The following CTTNBP2 variants were observed in gnomAD, a reference collection of about 807,000 sequenced individuals.
CTTNBP2 encodes the protein cortactin binding protein 2, also known as cortactin-binding protein 2.
CTTNBP2 carries 108 observed loss-of-function variants against 156.9 expected under a neutral mutation model. The ratio of observed to expected loss-of-function variants is 0.69; its 90% CI spans 0.59 to 0.81. The LOEUF is 0.81. Among genes scored for constraint, CTTNBP2 ranks in the 30% least tolerant of loss-of-function variants. The probability of loss-of-function intolerance (pLI) is 0.00; values close to 1 mark genes in which losing one functional copy is unlikely to be tolerated. For missense variants in CTTNBP2, 1,924 were observed against 2,035.4 expected, an observed-to-expected ratio of 0.95 and a Z score of 1.05; for synonymous variants, 767 against 751.8, an observed-to-expected ratio of 1.02 and a Z score of -0.33.
In CTTNBP2 at chr7:117,792,850, T is replaced by C. The variant is rs895991011; in HGVS notation, c.415-69A>G. The C allele has an allele frequency of 8.0e-6, 9 of 1,130,620 alleles. No homozygotes were observed. The Admixed American group carries it at 9.5e-5, about 12-fold the overall frequency. The allele number at this position is 1,130,620 out of a possible 1,614,324, so 70.0% of individuals were successfully genotyped here. A position where few individuals can be genotyped will look rare whatever the true frequency, so the allele number is the denominator to read the frequency against. On this transcript the variant is annotated intron_variant, in intron 3 of 22. Coordinates refer to ENST00000160373, the MANE Select transcript of CTTNBP2 (RefSeq NM_033427.3). The surrounding 1 kb of genome is among the most constrained non-coding windows in gnomAD (Gnocchi z 4.2). Reference sequence around the variant, plus strand: ...TTCTTTTCACCAAGGAAATGCTTTTTGTGAGATTTTTATTAATTTTCTAAC... The same window carrying C: ...TTCTTTTCACCAAGGAAATGCTTTTCGTGAGATTTTTATTAATTTTCTAAC...
At chr7:117,741,648 C>T (rs1796024607) in intron 14 of CTTNBP2, among the ~76,000 whole-genome samples, 1 of 152,172 alleles carries the variant, frequency 6.6e-6, no homozygotes, top group Non-Finnish European at 1.5e-5. Context: ...AGACGACATA[C>T]CATTTCCTAC....
chr7:117,711,867 A>C, intron 22 of CTTNBP2, 85 bp from the exon 23 acceptor site: 1 of 1,349,886 alleles, frequency 7.4e-7, no homozygotes, highest in Non-Finnish European at 1.0e-6. Context: ...GAGCAAATGT[A>C]CAGGAGTTTC....
rs143862912 is a variant in CTTNBP2, at chr7:117,820,285, C to T, written c.190-9296G>A. On this transcript the variant is annotated intron_variant, in intron 2 of 22. Coordinates refer to ENST00000160373, the MANE Select transcript of CTTNBP2 (RefSeq NM_033427.3). ...TTATTAAGACTCCAGACAGCCACCA[C>T]CTGTCAATAACTGGAGCACAGATTA... 1.6e-3 allele frequency among the ~76,000 whole-genome samples: 242 copies of T among 152,320 alleles called. 2 individuals are homozygous for T. The East Asian group carries it at 0.03, about 19-fold the overall frequency.
intron 2 of CTTNBP2, among the ~76,000 whole-genome samples, chr7:117,822,562 G>A (rs2896232): frequency 0.57 from 86,348 of 151,898 alleles, 24,675 homozygotes; most frequent in East Asian, 0.74. Flanking sequence ...ATGTTTTGAC[G>A]TGTATATTTG....
At chr7:117,831,148 C>G (rs533136193) in intron 2 of CTTNBP2, among the ~76,000 whole-genome samples, 58 of 152,302 alleles carry the variant, frequency 3.8e-4, no homozygotes, top group Non-Finnish European at 5.7e-4. Flanking sequence ...ACAACTCTGT[C>G]GTTATCCAGG....
intron 2 of CTTNBP2, among the ~76,000 whole-genome samples, chr7:117,813,864 A>G (rs931798326): frequency 6.6e-6 from 1 of 152,218 alleles, no homozygotes; most frequent in Non-Finnish European, 1.5e-5. Flanking sequence ...CAAAAACTAC[A>G]TTATTTTATA....
chr7:117,726,353 T>G (rs1795095152), intron 17 of CTTNBP2, among the ~76,000 whole-genome samples: 1 of 152,232 alleles, frequency 6.6e-6, no homozygotes, highest in African/African-American at 2.4e-5. Context: ...TCTTAATGTC[T>G]AGTGCTACAC....
intron 22 of CTTNBP2, among the ~76,000 whole-genome samples, chr7:117,717,006 G>GGGA (rs1794433286): frequency 6.6e-6 from 1 of 152,308 alleles, no homozygotes; most frequent in East Asian, 1.9e-4. Context: ...CTCCCAAGGT[G>GGGA]GCTTACAATC....
intron 4 of CTTNBP2, among the ~76,000 whole-genome samples, chr7:117,787,046 A>G (rs1200623067): frequency 6.6e-6 from 1 of 152,170 alleles, no homozygotes; most frequent in Non-Finnish European, 1.5e-5. Flanking sequence ...TATGTTTTAT[A>G]TCTTCACTAA....
At chr7:117,863,179 G>T (rs910996087) in intron 1 of CTTNBP2, among the ~76,000 whole-genome samples, 2 of 152,194 alleles carry the variant, frequency 1.3e-5, no homozygotes, top group Admixed American at 6.5e-5. Context: ...GAGCTAGGGG[G>T]TTCTCTCAAG....
chr7:117,757,080 C>G (rs1796924177), intron 11 of CTTNBP2, among the ~76,000 whole-genome samples: 2 of 152,338 alleles, frequency 1.3e-5, no homozygotes, highest in South Asian at 2.1e-4. Context: ...CCCCTCCCCC[C>G]AAGTTCTGCC....
In CTTNBP2 at chr7:117,716,180, C is replaced by T. The variant is rs759582116; in HGVS notation, c.4746+1838G>A. On this transcript the variant is annotated intron_variant, in intron 22 of 22. Transcript: ENST00000160373. Reference sequence around the variant, plus strand: ...AGAGCCCAGATAGTATAAAAGGACTCGCTTTAAAAAATATCTTAAACAAAG... The same window carrying T: ...AGAGCCCAGATAGTATAAAAGGACTTGCTTTAAAAAATATCTTAAACAAAG... Among the ~76,000 whole-genome samples, 51 of 98,344 alleles carry T rather than the reference C, an allele frequency of 5.2e-4. 2 individuals carry two copies. The highest frequency in any genetic ancestry group is 8.5e-4 in the Non-Finnish European group (36 of 42,492). 64.5% of individuals were successfully genotyped at this position (98,344 alleles called of 152,430 possible). A position where few individuals can be genotyped will look rare whatever the true frequency, so the allele number is the denominator to read the frequency against.
chr7:117,712,685 C>G (rs1284316877), intron 22 of CTTNBP2, among the ~76,000 whole-genome samples: 1 of 152,092 alleles, frequency 6.6e-6, no homozygotes, highest in African/African-American at 2.4e-5. Flanking sequence ...CTTCATCTGG[C>G]AGTTGCGGCA....
intron 8 of CTTNBP2, among the ~76,000 whole-genome samples, chr7:117,776,794 T>C (rs937255345): frequency 7.9e-5 from 12 of 152,246 alleles, no homozygotes; most frequent in African/African-American, 2.7e-4. Flanking sequence ...TGTTTTTTTA[T>C]GTGTGCTTTT....
rs1206279439 is a variant in CTTNBP2, at chr7:117,746,888, G to A, written c.3349-789C>T. On this transcript the variant is annotated intron_variant, in intron 12 of 22. Coordinates refer to ENST00000160373, the MANE Select transcript of CTTNBP2 (RefSeq NM_033427.3). ...TTTAAACTTTATCCTCGTGTATAAG[G>A]ATACCTCGCCTGAGAACATGGAGTT... Among the ~76,000 whole-genome samples, 3 of 152,148 alleles carry A rather than the reference G, an allele frequency of 2.0e-5. No individual in the cohort carries two copies. In the East Asian group the frequency reaches 5.8e-4, roughly 29 times the overall value.
At chr7:117,821,107 T>A (rs1268816604) in intron 2 of CTTNBP2, among the ~76,000 whole-genome samples, 1 of 152,164 alleles carries the variant, frequency 6.6e-6, no homozygotes, top group African/African-American at 2.4e-5. Flanking sequence ...TTTTATAAAT[T>A]CCTTTTTTGG....
intron 3 of CTTNBP2, among the ~76,000 whole-genome samples, chr7:117,803,356 A>C (rs993779512): frequency 6.6e-6 from 1 of 152,168 alleles, no homozygotes; most frequent in Non-Finnish European, 1.5e-5. Flanking sequence ...ACACATAAAA[A>C]GATAGGAACA....
chr7:117,820,543 T>C (rs1470288951), intron 2 of CTTNBP2, among the ~76,000 whole-genome samples: 1 of 152,244 alleles, frequency 6.6e-6, no homozygotes, highest in Non-Finnish European at 1.5e-5. Flanking sequence ...TTTGAGGCAA[T>C]ATTTGTGTAT....
At chr7:117,833,545 CCA>C (rs960899622) in intron 2 of CTTNBP2, among the ~76,000 whole-genome samples, 82 of 152,314 alleles carry the variant, frequency 5.4e-4, no homozygotes, top group African/African-American at 1.1e-3. Context: ...CCTTCAAGAG[CCA>C]CAGTGTCTAG....
Sources: allele counts gnomAD v4.1 joint callset (sites outside exome capture counted in the v4.1 genomes callset), GRCh38; gene constraint gnomAD v4.1.1; non-coding constraint Gnocchi (gnomAD v3.1); transcripts MANE v1.5; gene names NCBI Gene and HGNC (gene_info 2026-07-23, HGNC 2026-07-21).